NLK: variants seen among roughly 807,000 people sequenced by gnomAD.
NLK encodes the protein serine/threonine-protein kinase NLK.
Under a neutral mutation model 59.0 loss-of-function variants are expected in NLK, and 11 were observed. That is an observed-to-expected ratio of 0.19 (90% CI 0.12 to 0.31). The LOEUF (loss-of-function observed/expected upper bound fraction) is 0.31, where lower values mean the gene tolerates loss of function less well. NLK is among the 10% of genes least tolerant of loss of function. The pLI is 1.00. For missense variants in NLK, 410 were observed against 661.1 expected (o/e 0.62, Z 4.16); for synonymous variants, 235 against 235.9 (o/e 1.00, Z 0.03).
intron 5 of NLK, among the ~76,000 whole-genome samples, chr17:28,166,368 A>G (rs1567734131): frequency 6.6e-6 from 1 of 152,194 alleles, no homozygotes; most frequent in Non-Finnish European, 1.5e-5. Flanking sequence ...CCACATACAC[A>G]TCTGAATTCA....
intron 1 of NLK, among the ~76,000 whole-genome samples, chr17:28,059,790 A>G (rs1909566475): frequency 6.6e-6 from 1 of 152,208 alleles, no homozygotes. Flanking sequence ...TGTAAATACT[A>G]TAATGGCCAA....
rs1453675203 is a variant in NLK, at chr17:28,161,221, C to G, written c.706C>G (p.Leu236Val). 1 of 1,612,226 alleles carries G rather than the reference C, an allele frequency of 6.2e-7. No individual in the cohort carries two copies. The highest frequency in any genetic ancestry group is 8.5e-7 in the Non-Finnish European group (1 of 1,178,328). ...LHKIIVSPQP[L>V]SSDHVKVFLY... ...TAAAATTATCGTCTCTCCTCAACCA[C>G]TCAGCTCAGATCATGTCAAAGTTTT... The change falls in exon 4 of 11, where the codon CTC becomes GTC. Residue 236 changes from leucine (L) to valine (V), a missense_variant. Leu to Val is a conservative substitution (Grantham distance 32, BLOSUM62 1). Coordinates refer to ENST00000407008, the MANE Select transcript of NLK (RefSeq NM_016231.5).
At chr17:28,111,517 C>A (rs1905478035) in intron 1 of NLK, among the ~76,000 whole-genome samples, 1 of 152,036 alleles carries the variant, frequency 6.6e-6, no homozygotes, top group South Asian at 2.1e-4. Context: ...GAGTATGGGC[C>A]ACATTTTCCT....
At chr17:28,171,681 T>C (rs1031570309) in intron 6 of NLK, among the ~76,000 whole-genome samples, 2 of 152,214 alleles carry the variant, frequency 1.3e-5, no homozygotes, top group Non-Finnish European at 2.9e-5. Flanking sequence ...CACAGGTGTC[T>C]GATTTGTGGA....
chr17:28,193,169 A>G (rs576287202), intron 10 of NLK, among the ~76,000 whole-genome samples: 2 of 152,378 alleles, frequency 1.3e-5, no homozygotes, highest in East Asian at 3.9e-4. Flanking sequence ...AAAAGGCATA[A>G]AAGAGGATTC....
chr17:28,077,293 G>A (rs541846646), intron 1 of NLK, among the ~76,000 whole-genome samples: 7 of 151,900 alleles, frequency 4.6e-5, no homozygotes, highest in Middle Eastern at 3.4e-3. Flanking sequence ...GGTGGGAGGC[G>A]AAAGGCACCT....
chr17:28,100,933 G>A (rs1184701198), intron 1 of NLK, among the ~76,000 whole-genome samples: 3 of 152,088 alleles, frequency 2.0e-5, no homozygotes, highest in Non-Finnish European at 4.4e-5. Flanking sequence ...TTTAATAATA[G>A]AAATCTGGCC....
At chr17:28,067,623 C>T (rs1909876319) in intron 1 of NLK, among the ~76,000 whole-genome samples, 1 of 151,200 alleles carries the variant, frequency 6.6e-6, no homozygotes, top group South Asian at 2.1e-4. Context: ...AAAAAACTGG[C>T]ATTAGGGATA....
intron 6 of NLK, among the ~76,000 whole-genome samples, chr17:28,169,033 G>A (rs1281623595): frequency 6.6e-6 from 1 of 151,994 alleles, no homozygotes; most frequent in African/African-American, 2.4e-5. Context: ...TTACAGGCAC[G>A]CTCCACCACA....
intron 3 of NLK, among the ~76,000 whole-genome samples, chr17:28,148,068 T>G (rs1907329970): frequency 6.6e-6 from 1 of 152,230 alleles, no homozygotes; most frequent in South Asian, 2.1e-4. Flanking sequence ...GTGGCATATT[T>G]CATTTAGTAG....
In NLK at chr17:28,043,137, G is replaced by A. The variant is rs779166772; in HGVS notation, c.264G>A (p.Gly88=). ...CAGCTGCAGCCATGTTAAACCCTGG[G>A]CAACAACAGCCATATTTCCCATCAC... ...AAAAAAMLNP[G]QQQPYFPSPA... is the part of the protein sequence containing the mutation. Residue 88 remains glycine (G), a synonymous_variant, in exon 1 of 11, where the codon GGG becomes GGA. Coordinates refer to ENST00000407008, the MANE Select transcript of NLK (RefSeq NM_016231.5). 1.2e-6 allele frequency: 2 copies of A among 1,610,920 alleles called. No homozygotes were observed. The highest frequency in any genetic ancestry group is 1.7e-6 in the Non-Finnish European group (2 of 1,178,466).
chr17:28,089,126 G>A (rs1567710773), intron 1 of NLK, among the ~76,000 whole-genome samples: 1 of 152,074 alleles, frequency 6.6e-6, no homozygotes, highest in East Asian at 1.9e-4. Context: ...AAATCATATG[G>A]TTTGGTAAGT....
At chr17:28,044,137 C>A (rs995101771) in intron 1 of NLK, among the ~76,000 whole-genome samples, 1 of 152,146 alleles carries the variant, frequency 6.6e-6, no homozygotes, top group Non-Finnish European at 1.5e-5. Context: ...AGCCTAAGGG[C>A]TTCTTAAATA....
chr17:28,158,030 CAT>C (rs1402865053), intron 3 of NLK, among the ~76,000 whole-genome samples: 2 of 152,006 alleles, frequency 1.3e-5, no homozygotes, highest in Non-Finnish European at 2.9e-5. Flanking sequence ...AGAGAATAAA[CAT>C]AAGGAAATTA....
At chr17:28,145,410 G>A (rs961504390) in intron 3 of NLK, among the ~76,000 whole-genome samples, 1 of 152,172 alleles carries the variant, frequency 6.6e-6, no homozygotes, top group African/African-American at 2.4e-5. Context: ...GTTACCTTCT[G>A]TAGAGGTTCT....
chr17:28,187,677 A>C (rs1909168344), intron 8 of NLK, among the ~76,000 whole-genome samples: 1 of 152,168 alleles, frequency 6.6e-6, no homozygotes, highest in South Asian at 2.1e-4. Context: ...GAACTTCCTA[A>C]GCCATAGAGC....
intron 1 of NLK, among the ~76,000 whole-genome samples, chr17:28,046,226 T>G (rs1909047225): frequency 6.6e-6 from 1 of 152,242 alleles, no homozygotes; most frequent in Non-Finnish European, 1.5e-5. Flanking sequence ...CTGACTTGAT[T>G]TATCTTTCTG....
chr17:28,201,972 C>T, the NLK span, among the ~76,000 whole-genome samples: 26 of 152,148 alleles, frequency 1.7e-4, no homozygotes, highest in South Asian at 5.0e-3. Context: ...GCCAAGACTG[C>T]GCCACTGCAC....
chr17:28,105,409 GT>G (rs202033160), intron 1 of NLK, among the ~76,000 whole-genome samples: 1 of 151,736 alleles, frequency 6.6e-6, no homozygotes, highest in Non-Finnish European at 1.5e-5. Flanking sequence ...TTGTATACCA[GT>G]TTTTTTTCAA....
Sources: gnomAD v4.1 joint callset for allele counts (sites outside exome capture counted in the v4.1 genomes callset) on GRCh38, gnomAD v4.1.1 for gene constraint, MANE v1.5 for transcripts, NCBI Gene and HGNC (gene_info 2026-07-23, HGNC 2026-07-21) for gene names.